Variants in SMC3 observed in about 807,000 individuals in gnomAD.
The protein encoded by SMC3 is structural maintenance of chromosomes 3, also known as structural maintenance of chromosomes protein 3.
Under a neutral mutation model 171.8 loss-of-function variants are expected in SMC3, and 20 were observed. The observed-to-expected ratio is 0.12, with a 90% CI of 0.08 to 0.17. The LOEUF is 0.17. Among genes scored for constraint, SMC3 ranks in the 10% least tolerant of loss-of-function variants. The pLI is 1.00. For missense variants in SMC3, 543 were observed against 1,420.4 expected, an observed-to-expected ratio of 0.38 and a Z score of 9.93; for synonymous variants, 464 against 451.1, an observed-to-expected ratio of 1.03 and a Z score of -0.36.
At chr10:110,571,328 A>G (rs1860868339) in intron 2 of SMC3, among the ~76,000 whole-genome samples, 1 of 152,250 alleles carries the variant, frequency 6.6e-6, no homozygotes, top group Non-Finnish European at 1.5e-5. Flanking sequence ...AAAGCTGGTC[A>G]TAGATTTCTA....
chr10:110,585,129 C>A (rs1276571614), intron 13 of SMC3, among the ~76,000 whole-genome samples: 1 of 151,448 alleles, frequency 6.6e-6, no homozygotes, highest in African/African-American at 2.4e-5. Context: ...TACAGGCATG[C>A]ACCACCAAGC....
chr10:110,579,128 G>T (rs1860995707), intron 7 of SMC3, among the ~76,000 whole-genome samples: 1 of 152,076 alleles, frequency 6.6e-6, no homozygotes, highest in African/African-American at 2.4e-5. Flanking sequence ...CCCTAATAGG[G>T]ATTATGTTTT....
chr10:110,601,746 T>C lies in SMC3; in HGVS notation c.2754T>C (p.Asp918=). The change falls in exon 24 of 29, where the codon GAT becomes GAC. Residue 918 remains aspartate, a synonymous_variant. Coordinates refer to ENST00000361804, the MANE Select transcript of SMC3 (RefSeq NM_005445.4). The part of the protein sequence containing the change: ...EKEHMDAINH[D]TKELEKMTNR... ...AACATATGGATGCTATAAATCATGA[T>C]ACTAAAGAACTGGAAAAGATGACAA... 1 of 1,613,798 alleles carries C rather than the reference T, an allele frequency of 6.2e-7. No homozygotes were observed. Among genetic ancestry groups the C allele is most frequent in the Non-Finnish European group, 8.5e-7 (1 of 1,179,862 alleles).
In SMC3 at chr10:110,602,532, T is replaced by C. The variant is rs1861402671; in HGVS notation, c.3164T>C (p.Leu1055Ser). 2 of 1,613,726 alleles carry C rather than the reference T, an allele frequency of 1.2e-6. No homozygotes were observed. Among genetic ancestry groups the C allele is most frequent in the Non-Finnish European group, 1.7e-6 (2 of 1,179,722 alleles). Reference sequence around the variant, plus strand: ...TTAGTACCTGGTGGCAAAGCTACTTTGGTGATGAAGAAAGGAGATGTGGAG... The same window carrying C: ...TTAGTACCTGGTGGCAAAGCTACTTCGGTGATGAAGAAAGGAGATGTGGAG... ...QKLVPGGKAT[L>S]VMKKGDVEGS... Residue 1055 changes from leucine (L) to serine (S), a missense_variant, in exon 26 of 29, where the codon TTG becomes TCG. By Grantham distance (145) the Leu-to-Ser change is moderately radical. Around this residue, in one of 8 missense-constraint regions of SMC3, gnomAD observed 34 missense variants for 59.1 expected, o/e 0.58. Transcript: ENST00000361804.
At chr10:110,602,227 C>T in intron 25 of SMC3, 49 bp downstream of exon 25, 1 of 1,493,452 alleles carries the variant, frequency 6.7e-7, no homozygotes, top group Non-Finnish European at 9.3e-7. Flanking sequence ...ACAAAAGCTT[C>T]CAGCTCTTTT....
rs75980769 is a variant in SMC3 at position 110,589,349 on chromosome 10, G to A, written c.1306-256G>A. Among the ~76,000 whole-genome samples, 3,208 of 152,160 alleles carry A rather than the reference G, an allele frequency of 0.021. 107 individuals carry two copies. The highest frequency in any genetic ancestry group is 0.071 in the African/African-American group (2,936 of 41,490). On this transcript the variant is annotated intron_variant, in intron 13 of 28. Coordinates refer to ENST00000361804, the MANE Select transcript of SMC3 (RefSeq NM_005445.4). ...CATCATTTTTCCTAGTCAGGAAAGT[G>A]GCAAAAATAAAGTATATAATTTGAT...
At chr10:110,591,156 T>C in intron 17 of SMC3, 24 bp downstream of exon 17, 1 of 1,608,126 alleles carries the variant, frequency 6.2e-7, no homozygotes. Flanking sequence ...TGATAAGGTG[T>C]ATTTCTCTTT....
chr10:110,597,876 C>A (rs907913902), intron 19 of SMC3, among the ~76,000 whole-genome samples: 1 of 152,136 alleles, frequency 6.6e-6, no homozygotes, highest in African/African-American at 2.4e-5. Context: ...TATGGTTTTC[C>A]AAGAATTTGT....
chr10:110,590,959 A>G (rs1453367436), intron 16 of SMC3, 32 bp from the exon 17 acceptor site: 1 of 1,607,146 alleles, frequency 6.2e-7, no homozygotes, highest in East Asian at 2.2e-5. Context: ...CTGAGTACCA[A>G]TAAAGATTTG....
intron 18 of SMC3, 108 bp from the exon 19 acceptor site, chr10:110,596,290 C>A (rs1026368673): frequency 3.0e-6 from 3 of 991,066 alleles, no homozygotes; most frequent in South Asian, 4.0e-5. Flanking sequence ...AAATTACTTT[C>A]AATTCTCATT....
At chr10:110,597,042 G>A (rs775689628) in intron 19 of SMC3, among the ~76,000 whole-genome samples, 33 of 151,912 alleles carry the variant, frequency 2.2e-4, no homozygotes, top group Non-Finnish European at 1.9e-4. Flanking sequence ...TACTTGGGAG[G>A]CTGAGGCAGG....
intron 2 of SMC3, among the ~76,000 whole-genome samples, chr10:110,571,410 G>T (rs1860870107): frequency 6.6e-6 from 1 of 152,188 alleles, no homozygotes; most frequent in African/African-American, 2.4e-5. Flanking sequence ...ACCTTAGAAA[G>T]GTCAGATGAT....
rs533741885 is a variant in SMC3 at position 110,595,657 on chromosome 10, T to C, written c.1964-741T>C. ...AAATGGTGATTCATAAATTCTGTTA[T>C]TGCTGCTGCATTTATTAGCTGTCAC... On this transcript the variant is annotated intron_variant, in intron 18 of 28. Transcript: ENST00000361804. Among the ~76,000 whole-genome samples the C allele has an allele frequency of 2.6e-5, 4 of 152,356 alleles. No individual in the cohort carries two copies. The South Asian group carries it at 6.2e-4, about 24-fold the overall frequency.
Position 110,581,278 on chromosome 10 carries a change from C to T in SMC3, c.547+257C>T, listed in dbSNP as rs188825935. On this transcript the variant is annotated intron_variant, in intron 8 of 28. Transcript: ENST00000361804. ...TGTCACCCAGGCTGGAGTGCAGTGG[C>T]GCGATCTCTGCTTATTGCAACCTCT... is the stretch of plus-strand genomic sequence containing the variant. 2.7e-4 allele frequency among the ~76,000 whole-genome samples: 39 copies of T among 143,222 alleles called. 2 individuals carry two copies. The East Asian group carries it at 6.8e-3, about 25-fold the overall frequency. The allele number at this position is 143,222 out of a possible 152,430, so 94.0% of individuals were successfully genotyped here.
intron 18 of SMC3, among the ~76,000 whole-genome samples, chr10:110,596,100 T>C (rs1051305180): frequency 2.0e-5 from 3 of 151,358 alleles, no homozygotes; most frequent in Non-Finnish European, 4.4e-5. Context: ...TGCACACCTG[T>C]AGTCCTAGCC....
chr10:110,569,093 A>G, intron 2 of SMC3, 80 bp downstream of exon 2: 5 of 901,740 alleles, frequency 5.5e-6, no homozygotes, highest in Non-Finnish European at 9.3e-6. Context: ...TATTGGCTTA[A>G]GGAGACAGGA....
Position 110,604,309 on chromosome 10 carries a change from A to G in SMC3, c.*7A>G. The G allele has an allele frequency of 1.3e-6, 2 of 1,592,636 alleles. No individual in the cohort carries two copies. Among genetic ancestry groups the G allele is most frequent in the Non-Finnish European group, 1.7e-6 (2 of 1,162,526 alleles). On this transcript the variant is annotated 3_prime_UTR_variant, in exon 29 of 29. Coordinates refer to ENST00000361804, the MANE Select transcript of SMC3 (RefSeq NM_005445.4). ...TGATACCACACATGGTTAATTGGAA[A>G]ATACTACCTACTGGTTTGGGAGATG...
chr10:110,589,949 T>C lies in SMC3; in HGVS notation c.1467T>C (p.Asp489=), dbSNP rs1393499335. ...AAGCACTTGCTGCTAAAAGAGAAGATCTTGAAAAGAAGCAACAACTTCTTA... is the reference window on the plus strand; with the variant it reads ...AAGCACTTGCTGCTAAAAGAGAAGACCTTGAAAAGAAGCAACAACTTCTTA... ...EQQALAAKRE[D]LEKKQQLLRA... The change falls in exon 15 of 29, where the codon GAT becomes GAC. Residue 489 remains aspartate, a synonymous_variant. Coordinates refer to ENST00000361804, the MANE Select transcript of SMC3 (RefSeq NM_005445.4). The C allele has an allele frequency of 6.2e-7, 1 of 1,613,844 alleles. No individual in the cohort carries two copies. The highest frequency in any genetic ancestry group is 1.7e-5 in the Admixed American group (1 of 60,004).
chr10:110,586,582 T>C (rs1320995816), intron 13 of SMC3, among the ~76,000 whole-genome samples: 1 of 152,224 alleles, frequency 6.6e-6, no homozygotes, highest in Non-Finnish European at 1.5e-5. Context: ...AGCCACACTT[T>C]TGGTTATCAG....
Sources: allele counts gnomAD v4.1 joint callset (sites outside exome capture counted in the v4.1 genomes callset), GRCh38; gene constraint gnomAD v4.1.1; regional missense constraint gnomAD v4.1.1; transcripts MANE v1.5; gene names NCBI Gene and HGNC (gene_info 2026-07-23, HGNC 2026-07-21).